Variants in SMARCA2 observed in about 807,000 individuals in gnomAD.
SMARCA2 encodes SWI/SNF-related matrix-associated actin-dependent regulator of chromatin subfamily A member 2.
In SMARCA2, 61 loss-of-function variants were observed where a neutral mutation model predicts 199.8. That is an observed-to-expected ratio of 0.31 (90% CI 0.25 to 0.38). SMARCA2 has a LOEUF of 0.38. Ranked by LOEUF, SMARCA2 falls within the 10% of genes least tolerant of loss-of-function variation. SMARCA2 has a pLI of 1.00. For missense variants in SMARCA2, 1,344 were observed against 2,012.2 expected (o/e 0.67, Z 6.35); for synonymous variants, 935 against 732.0 (o/e 1.28, Z -4.48).
chr9:2,123,802 C>A lies in SMARCA2; in HGVS notation c.3846C>A (p.Ser1282=). ...PRLMEEDELP[S]WIIKDDAEVE... Reference sequence around the variant, plus strand: ...TAATGGAGGAGGATGAGCTGCCCTCCTGGATCATTAAGGATGACGCTGAAG... The same window carrying A: ...TAATGGAGGAGGATGAGCTGCCCTCATGGATCATTAAGGATGACGCTGAAG... Residue 1282 remains serine, a synonymous_variant, in exon 27 of 34, where the codon TCC becomes TCA. Transcript: ENST00000349721. This position sits in a 1 kb window ranked among gnomAD's most constrained non-coding sequence, Gnocchi z 4.1. The A allele has an allele frequency of 3.1e-6, 5 of 1,613,766 alleles. No individual in the cohort carries two copies. The East Asian group carries it at 1.1e-4, about 36-fold the overall frequency.
intron 29 of SMARCA2, among the ~76,000 whole-genome samples, chr9:2,176,344 TTGA>T (rs766308460): frequency 3.2e-4 from 48 of 152,268 alleles, no homozygotes; most frequent in Non-Finnish European, 5.4e-4. Flanking sequence ...CATGAACATC[TTGA>T]TGATTATCTG....
intron 13 of SMARCA2, among the ~76,000 whole-genome samples, chr9:2,076,738 AG>A: frequency 6.6e-6 from 1 of 151,946 alleles, no homozygotes; most frequent in South Asian, 2.1e-4. Context: ...CTGAAACCCA[AG>A]TGAGAGACAC....
chr9:2,077,927 A>G, intron 14 of SMARCA2, 151 bp downstream of exon 14: 1 of 690,782 alleles, frequency 1.4e-6, no homozygotes, highest in Non-Finnish European at 2.5e-6. Context: ...TGTGCCTATG[A>G]TTCTTCTTTT....
intron 25 of SMARCA2, 26 bp downstream of exon 25, chr9:2,116,075 G>T (rs374390357): frequency 6.7e-5 from 103 of 1,533,574 alleles, no homozygotes; most frequent in Non-Finnish European, 8.7e-5. Flanking sequence ...CCAAGTTTAT[G>T]AAATCAAACA....
At chr9:2,155,258 C>G (rs543331549) in intron 27 of SMARCA2, among the ~76,000 whole-genome samples, 1 of 152,138 alleles carries the variant, frequency 6.6e-6, no homozygotes, top group African/African-American at 2.4e-5. Context: ...GAACTTATGG[C>G]TAAAATAATT....
chr9:2,163,683 A>G (rs1258835670), intron 28 of SMARCA2, among the ~76,000 whole-genome samples: 5 of 152,102 alleles, frequency 3.3e-5, no homozygotes, highest in Admixed American at 1.3e-4. Flanking sequence ...CTCTGACCAG[A>G]TGGGCTGTGA....
At chr9:2,050,540 T>C (rs1030214715) in intron 5 of SMARCA2, among the ~76,000 whole-genome samples, 7 of 152,172 alleles carry the variant, frequency 4.6e-5, no homozygotes, top group Admixed American at 1.3e-4. Flanking sequence ...ATATCAGCCC[T>C]CTTCGGAATA....
At chr9:2,139,917 A>T (rs1402134843) in intron 27 of SMARCA2, among the ~76,000 whole-genome samples, 4 of 152,190 alleles carry the variant, frequency 2.6e-5, no homozygotes, top group Non-Finnish European at 4.4e-5. Context: ...AAGGGCTATT[A>T]TCATCCTTGC....
intron 18 of SMARCA2, among the ~76,000 whole-genome samples, 196 bp from the exon 19 acceptor site, chr9:2,088,303 AT>A (rs551333566): frequency 1.2e-3 from 177 of 152,304 alleles, no homozygotes; most frequent in African/African-American, 3.6e-3. Flanking sequence ...AAAGACACCT[AT>A]TTAGAGGTCA....
chr9:2,171,906 G>T (rs10965084), intron 29 of SMARCA2, among the ~76,000 whole-genome samples: 62,935 of 152,066 alleles, frequency 0.41, 14,213 homozygotes, highest in Admixed American at 0.52. Flanking sequence ...GCTATTTATT[G>T]CAAGTCCCCA....
Position 2,123,251 on chromosome 9 carries a change from T to C in SMARCA2, c.3763-468T>C, listed in dbSNP as rs944655709. Among the ~76,000 whole-genome samples the C allele has an allele frequency of 6.6e-6, 1 of 152,112 alleles. No homozygotes were observed. Among genetic ancestry groups the C allele is most frequent in the South Asian group, 2.1e-4 (1 of 4,824 alleles). On this transcript the variant is annotated intron_variant, in intron 26 of 33. Transcript: ENST00000349721. This position sits in a 1 kb window ranked among gnomAD's most constrained non-coding sequence, Gnocchi z 4.1. ...ATACCTTGGGTCCCCCTTTTTTTTT[T>C]ATTGCTGATTGTTTAGTTCAAAGCA...
chr9:2,019,337 C>T (rs1373045147), intron 1 of SMARCA2, among the ~76,000 whole-genome samples: 1 of 152,150 alleles, frequency 6.6e-6, no homozygotes, highest in Non-Finnish European at 1.5e-5. Context: ...AGCATCAGGA[C>T]TAGGTGCACT....
At chr9:2,026,323 C>T (rs1031295970) in intron 1 of SMARCA2, among the ~76,000 whole-genome samples, 2 of 152,170 alleles carry the variant, frequency 1.3e-5, no homozygotes, top group African/African-American at 4.8e-5. Flanking sequence ...TAAATAGTTT[C>T]CTATATAACA....
At chr9:2,162,428 T>A (rs1166029232) in intron 28 of SMARCA2, among the ~76,000 whole-genome samples, 1 of 152,226 alleles carries the variant, frequency 6.6e-6, no homozygotes, top group African/African-American at 2.4e-5. Context: ...GCATGGTCTT[T>A]CAGCAAATTT....
At position 2,161,842 on chromosome 9, in the gene SMARCA2, C is replaced by T. The variant is rs1459862670; in HGVS notation, c.4138C>T (p.Pro1380Ser). 6.2e-7 allele frequency: 1 copy of T among 1,614,014 alleles called. No homozygotes were observed. The highest frequency in any genetic ancestry group is 1.7e-5 in the Admixed American group (1 of 60,020). ...RPPAEKLSPN[P>S]PKLTKQMNAI... ...TCCCGCTGAGAAACTGTCACCAAAT[C>T]CCCCCAAACTGACAAAGCAGATGAA... Residue 1380 changes from proline (P) to serine (S), a missense_variant, in exon 28 of 34, where the codon CCC becomes TCC. Transcript: ENST00000349721. This position sits in a 1 kb window ranked among gnomAD's most constrained non-coding sequence, Gnocchi z 4.7.
chr9:2,145,355 AAGG>A, intron 27 of SMARCA2, among the ~76,000 whole-genome samples: 1 of 152,070 alleles, frequency 6.6e-6, no homozygotes, highest in Non-Finnish European at 1.5e-5. Flanking sequence ...ACACTATAGA[AAGG>A]AGAGATATTT....
In SMARCA2 at chr9:2,176,216, C is replaced by G. The variant is rs1050370378; in HGVS notation, c.4254-5355C>G. Among the ~76,000 whole-genome samples, 10 of 118,114 alleles carry G rather than the reference C, an allele frequency of 8.5e-5. No individual in the cohort carries two copies. The South Asian group carries it at 1.4e-3, about 16-fold the overall frequency. 77.5% of individuals were successfully genotyped at this position (118,114 alleles called of 152,430 possible). ...TTTTTTTTTTTTTATAATGACGTAA[C>G]AAGCATTTTTTTCTTTAAAATACAT... On this transcript the variant is annotated intron_variant, in intron 29 of 33. Coordinates refer to ENST00000349721, the MANE Select transcript of SMARCA2 (RefSeq NM_003070.5).
At chr9:2,143,964 C>G (rs1047697551) in intron 27 of SMARCA2, among the ~76,000 whole-genome samples, 1 of 152,004 alleles carries the variant, frequency 6.6e-6, no homozygotes, top group South Asian at 2.1e-4. Flanking sequence ...AAAAGACATA[C>G]AAAATGTTAA....
intron 28 of SMARCA2, among the ~76,000 whole-genome samples, chr9:2,167,761 C>T (rs1018096613): frequency 2.6e-5 from 4 of 152,118 alleles, no homozygotes; most frequent in African/African-American, 9.7e-5. Flanking sequence ...GAAATATTTC[C>T]TTCATTGTTT....
Sources: gnomAD v4.1 joint callset for allele counts (sites outside exome capture counted in the v4.1 genomes callset) on GRCh38, gnomAD v4.1.1 for gene constraint, Gnocchi (gnomAD v3.1) non-coding constraint, MANE v1.5 for transcripts, NCBI Gene and HGNC (gene_info 2026-07-23, HGNC 2026-07-21) for gene names.